SHISA9: variants seen among roughly 807,000 people sequenced by gnomAD.
SHISA9 encodes shisa family member 9, also known as protein shisa-9.
SHISA9 carries 13 observed loss-of-function variants against 38.0 expected under a neutral mutation model. The observed-to-expected ratio is 0.34, with a 90% CI of 0.22 to 0.54. The LOEUF (loss-of-function observed/expected upper bound fraction) is 0.54, where lower values mean the gene tolerates loss of function less well. Ranked by LOEUF, SHISA9 falls within the 20% of genes least tolerant of loss-of-function variation. SHISA9 has a pLI of 0.91. For synonymous variants in SHISA9, 275 were observed against 242.0 expected (o/e 1.14, Z -1.27); for missense variants, 538 against 575.8 (o/e 0.93, Z 0.67).
intron 2 of SHISA9, among the ~76,000 whole-genome samples, chr16:13,191,649 G>C (rs1468962214): frequency 1.3e-5 from 2 of 152,154 alleles, no homozygotes; most frequent in Non-Finnish European, 1.5e-5. Context: ...GCAAAAATTT[G>C]AGTCCAAAAT....
chr16:13,262,282 A>C, the SHISA9 span, among the ~76,000 whole-genome samples: 1 of 152,194 alleles, frequency 6.6e-6, no homozygotes, highest in Non-Finnish European at 1.5e-5. Context: ...GCAGCTGAGC[A>C]CCTGTGCAGT....
At chr16:13,042,132 G>A (rs1284863503) in intron 2 of SHISA9, among the ~76,000 whole-genome samples, 1 of 152,170 alleles carries the variant, frequency 6.6e-6, no homozygotes, top group African/African-American at 2.4e-5. Context: ...TTATTGCCAA[G>A]CTGTTCCCTG....
chr16:13,144,831 A>G (rs543866363), intron 2 of SHISA9, among the ~76,000 whole-genome samples: 23 of 152,296 alleles, frequency 1.5e-4, no homozygotes, highest in African/African-American at 5.5e-4. Flanking sequence ...AGTTTCTTTC[A>G]TTAGTGAAAA....
chr16:13,215,655 A>G (rs1033410814), intron 4 of SHISA9, among the ~76,000 whole-genome samples: 8 of 152,172 alleles, frequency 5.3e-5, no homozygotes, highest in African/African-American at 1.9e-4. Context: ...GTTAAAAGCA[A>G]GGAGCTGTTT....
chr16:13,247,086 G>A, the SHISA9 span, among the ~76,000 whole-genome samples: 1 of 151,994 alleles, frequency 6.6e-6, no homozygotes, highest in Non-Finnish European at 1.5e-5. Flanking sequence ...AACAATCATG[G>A]CGGAAGGGGA....
rs988910623 is a variant in SHISA9 at position 13,022,668 on chromosome 16, T to C, written c.691+105853T>C. On this transcript the variant is annotated intron_variant, in intron 2 of 4. Coordinates refer to ENST00000558583, the MANE Select transcript of SHISA9 (RefSeq NM_001145204.3). Reference sequence around the variant, plus strand: ...TTTACAAGATATGGGGGTCTCACTCTGTTGCCCAGGTTGGTCTTGAACTCC... The same window carrying C: ...TTTACAAGATATGGGGGTCTCACTCCGTTGCCCAGGTTGGTCTTGAACTCC... 7.2e-5 allele frequency among the ~76,000 whole-genome samples: 11 copies of C among 152,294 alleles called. No individual in the cohort carries two copies. In the East Asian group the frequency reaches 2.1e-3, roughly 29 times the overall value.
the SHISA9 span, among the ~76,000 whole-genome samples, chr16:13,245,799 C>T: frequency 2.6e-5 from 4 of 152,092 alleles, no homozygotes; most frequent in Non-Finnish European, 4.4e-5. Context: ...GAGGCTAGAC[C>T]GACTTTGGAG....
chr16:13,001,549 G>A (rs1027794930), intron 2 of SHISA9, among the ~76,000 whole-genome samples: 12 of 152,150 alleles, frequency 7.9e-5, no homozygotes, highest in African/African-American at 2.9e-4. Context: ...AAATCAAAAC[G>A]TTCTGGGGAA....
chr16:13,476,083 T>G, the SHISA9 span, among the ~76,000 whole-genome samples: 1 of 152,282 alleles, frequency 6.6e-6, no homozygotes, highest in Non-Finnish European at 1.5e-5. Flanking sequence ...GGGAGACCCC[T>G]GCCATTGACA....
At chr16:13,118,731 T>TTTC (rs1555463193) in intron 2 of SHISA9, among the ~76,000 whole-genome samples, 1 of 17,724 alleles carries the variant, frequency 5.6e-5, no homozygotes, top group Non-Finnish European at 8.6e-5. Flanking sequence ...TTCTTTTTTC[T>TTTC]TTTTTTTTTT....
intron 2 of SHISA9, among the ~76,000 whole-genome samples, chr16:13,065,316 C>A (rs1178756664): frequency 1.3e-5 from 2 of 152,186 alleles, no homozygotes; most frequent in African/African-American, 4.8e-5. Context: ...TCAAACCCAT[C>A]TCCTTACCCC....
intron 1 of SHISA9, among the ~76,000 whole-genome samples, chr16:12,912,779 T>G (rs546118152): frequency 8.5e-5 from 13 of 152,322 alleles, no homozygotes; most frequent in South Asian, 8.3e-4. Context: ...GTGGGCAGTA[T>G]TTCACTCTGT....
chr16:12,928,552 C>T (rs2141738454), intron 2 of SHISA9, among the ~76,000 whole-genome samples: 1 of 152,274 alleles, frequency 6.6e-6, no homozygotes, highest in Admixed American at 6.5e-5. Flanking sequence ...CCAAGACGGA[C>T]ATAAGGATGT....
At chr16:13,145,546 A>G (rs1442506173) in intron 2 of SHISA9, among the ~76,000 whole-genome samples, 1 of 152,146 alleles carries the variant, frequency 6.6e-6, no homozygotes, top group East Asian at 1.9e-4. Context: ...CAACAACAAA[A>G]AAAGGTAGTT....
At chr16:13,172,852 G>A (rs929470224) in intron 2 of SHISA9, among the ~76,000 whole-genome samples, 4 of 150,716 alleles carry the variant, frequency 2.7e-5, no homozygotes, top group Admixed American at 6.7e-5. Flanking sequence ...ATTTTGAAAC[G>A]CCGAATAATG....
the SHISA9 span, among the ~76,000 whole-genome samples, chr16:13,315,596 G>A: frequency 1.4e-4 from 21 of 152,328 alleles, no homozygotes; most frequent in African/African-American, 3.8e-4. Flanking sequence ...GGAAAGTTAT[G>A]TAACTTCTCA....
In SHISA9 at chr16:12,916,011, G is replaced by GTT. The variant is rs34050190; in HGVS notation, c.564-659_564-658dup. 8.1e-3 allele frequency among the ~76,000 whole-genome samples: 731 copies of GTT among 90,436 alleles called. 21 individuals carry two copies. Among genetic ancestry groups the GTT allele is most frequent in the Admixed American group, 0.026 (188 of 7,354 alleles). The allele number at this position is 90,436 out of a possible 152,430, so 59.3% of individuals were successfully genotyped here. A position where few individuals can be genotyped will look rare whatever the true frequency, so the allele number is the denominator to read the frequency against. Reference sequence around the variant, plus strand: ...GTTTTTTTTTTGTGTGTGTGTGTGTGTTTTTTTTTTTTTTTTTTTGCTAAG... The same window carrying GTT: ...GTTTTTTTTTTGTGTGTGTGTGTGTGTTTTTTTTTTTTTTTTTTTTTGCTAAG... On this transcript the variant is annotated intron_variant, in intron 1 of 4. Transcript: ENST00000558583.
At chr16:13,025,137 A>G (rs1430444156) in intron 2 of SHISA9, among the ~76,000 whole-genome samples, 1 of 152,114 alleles carries the variant, frequency 6.6e-6, no homozygotes, top group Non-Finnish European at 1.5e-5. Context: ...CCTGTGTTTC[A>G]TTTATTATAA....
rs996524067 is a variant in SHISA9, at chr16:13,085,931, A to T, written c.692-117463A>T. ...ACCAAATGAAAGAAACAATAAAATAAGTTTGTTTAAAATGATCAAAGAGAA... is the reference window on the plus strand; with the variant it reads ...ACCAAATGAAAGAAACAATAAAATATGTTTGTTTAAAATGATCAAAGAGAA... On this transcript the variant is annotated intron_variant, in intron 2 of 4. Coordinates refer to ENST00000558583, the MANE Select transcript of SHISA9 (RefSeq NM_001145204.3). Among the ~76,000 whole-genome samples the T allele has an allele frequency of 2.0e-5, 3 of 152,334 alleles. No homozygotes were observed. In the East Asian group the frequency reaches 5.8e-4, roughly 29 times the overall value.
Sources: allele counts gnomAD v4.1 joint callset (sites outside exome capture counted in the v4.1 genomes callset), GRCh38; gene constraint gnomAD v4.1.1; transcripts MANE v1.5; gene names NCBI Gene and HGNC (gene_info 2026-07-23, HGNC 2026-07-21).